Variants in MICU1 observed in about 807,000 individuals in gnomAD.
MICU1 encodes the protein mitochondrial calcium uptake 1, also known as calcium uptake protein 1, mitochondrial.
Under a neutral mutation model 56.8 loss-of-function variants are expected in MICU1, and 45 were observed. The ratio of observed to expected loss-of-function variants is 0.79; its 90% confidence interval spans 0.62 to 1.02. The LOEUF (loss-of-function observed/expected upper bound fraction) is 1.02, where lower values mean the gene tolerates loss of function less well. Ranked by LOEUF, MICU1 falls within the 50% of genes least tolerant of loss-of-function variation. MICU1 has a pLI of 0.00. For missense variants in MICU1, 504 were observed against 587.1 expected (o/e 0.86, Z 1.46); for synonymous variants, 186 against 195.1 (o/e 0.95, Z 0.39).
Position 72,566,681 on chromosome 10 carries a change from A to G in MICU1, c.113T>C (p.Phe38Ser), listed in dbSNP as rs1278985325. 6.2e-7 allele frequency: 1 copy of G among 1,613,136 alleles called. No individual in the cohort carries two copies. Among genetic ancestry groups the G allele is most frequent in the Admixed American group, 1.7e-5 (1 of 59,874 alleles). ...TGCAGTTACTGCAGATGCTCCCAGGAAAGCCACCATCATTAGTCTTCGCCG... is the reference window on the plus strand; with the variant it reads ...TGCAGTTACTGCAGATGCTCCCAGGGAAGCCACCATCATTAGTCTTCGCCG... Reference protein sequence around the residue: ...QIRRRLMMVAFLGASAVTAST... With the variant: ...QIRRRLMMVASLGASAVTAST... The change falls in exon 2 of 12, where the codon TTC becomes TCC. Residue 38 changes from phenylalanine (F) to serine (S), a missense_variant. Coordinates refer to ENST00000361114, the MANE Select transcript of MICU1 (RefSeq NM_001195518.2).
chr10:72,579,938 C>CAAA (rs111515346), intron 1 of MICU1, among the ~76,000 whole-genome samples: 1 of 138,276 alleles, frequency 7.2e-6, no homozygotes, highest in African/African-American at 2.6e-5. Flanking sequence ...ATTCAAAAAT[C>CAAA]AAAAAAAAAA....
intron 6 of MICU1, chr10:72,483,550 T>C (rs537450104): frequency 6.6e-6 from 1 of 152,532 alleles, no homozygotes; most frequent in South Asian, 2.1e-4. Flanking sequence ...CTCAGGACTT[T>C]GTGTAATTCT....
At chr10:72,369,154 T>C (rs902715708) in intron 11 of MICU1, among the ~76,000 whole-genome samples, 13 of 152,046 alleles carry the variant, frequency 8.6e-5, no homozygotes, top group African/African-American at 3.1e-4. Flanking sequence ...GGTGGACACC[T>C]GTAGTCCCAG....
chr10:72,459,173 A>T (rs1170547694), intron 8 of MICU1, among the ~76,000 whole-genome samples: 1 of 152,088 alleles, frequency 6.6e-6, no homozygotes, highest in African/African-American at 2.4e-5. Context: ...TCTACTAAAA[A>T]TATGAAAATT....
chr10:72,449,273 C>G (rs1865219867), intron 8 of MICU1, among the ~76,000 whole-genome samples: 1 of 152,112 alleles, frequency 6.6e-6, no homozygotes, highest in African/African-American at 2.4e-5. Context: ...TGGCAGGTGC[C>G]TGTAATCCCA....
chr10:72,376,480 C>G (rs1048371449), intron 10 of MICU1, among the ~76,000 whole-genome samples: 1 of 151,804 alleles, frequency 6.6e-6, no homozygotes, highest in Non-Finnish European at 1.5e-5. Flanking sequence ...CCTGTCTCTA[C>G]AAAAAATACA....
At position 72,592,969 on chromosome 10, in the gene MICU1, A is replaced by G. The variant is rs1841270893; in HGVS notation, c.-1-26175T>C. Among the ~76,000 whole-genome samples, 2 of 151,948 alleles carry G rather than the reference A, an allele frequency of 1.3e-5. 1 individual carries two copies. The highest frequency in any genetic ancestry group is 4.2e-4 in the South Asian group (2 of 4,812). ...GGCTAATTCCTTTTGTATTTTTAGT[A>G]GAGACGGGGTTTCACCTTGTTGGCC... On this transcript the variant is annotated intron_variant, in intron 1 of 11. Transcript: ENST00000361114.
chr10:72,450,102 G>C (rs1564876447), intron 8 of MICU1, among the ~76,000 whole-genome samples: 1 of 152,076 alleles, frequency 6.6e-6, no homozygotes, highest in Non-Finnish European at 1.5e-5. Context: ...CTCAGGGAGT[G>C]TTTGCAGAGA....
At chr10:72,604,637 A>G (rs1181846717) in intron 1 of MICU1, among the ~76,000 whole-genome samples, 1 of 152,082 alleles carries the variant, frequency 6.6e-6, no homozygotes, top group East Asian at 1.9e-4. Flanking sequence ...TTTTAAAAAG[A>G]ATCTCCCTTT....
At chr10:72,613,506 G>A (rs1042268441) in intron 1 of MICU1, among the ~76,000 whole-genome samples, 1 of 151,550 alleles carries the variant, frequency 6.6e-6, no homozygotes, top group Non-Finnish European at 1.5e-5. Flanking sequence ...CCAACTCCTG[G>A]CCTCAAGCAG....
intron 4 of MICU1, among the ~76,000 whole-genome samples, chr10:72,537,413 A>C (rs991534292): frequency 1.3e-5 from 2 of 152,210 alleles, no homozygotes; most frequent in Non-Finnish European, 2.9e-5. Flanking sequence ...GTAGTTTAAA[A>C]ACAATACTTA....
chr10:72,458,326 A>G (rs1056382801), intron 8 of MICU1, among the ~76,000 whole-genome samples: 2 of 152,216 alleles, frequency 1.3e-5, no homozygotes, highest in Non-Finnish European at 2.9e-5. Context: ...CCAATATCCT[A>G]TATTCAAGGA....
intron 4 of MICU1, among the ~76,000 whole-genome samples, chr10:72,535,016 T>TTTTATTTTA: frequency 1.1e-5 from 1 of 88,100 alleles, no homozygotes; most frequent in South Asian, 2.8e-4. Context: ...TTTTATTTTA[T>TTTTATTTTA]TTTATTTTAT....
chr10:72,625,759 G>C (rs1388795820), intron 1 of MICU1, among the ~76,000 whole-genome samples: 3 of 152,178 alleles, frequency 2.0e-5, no homozygotes, highest in African/African-American at 4.8e-5. Flanking sequence ...CTCCCGGGAC[G>C]GGAGAAGGGA....
intron 1 of MICU1, among the ~76,000 whole-genome samples, chr10:72,591,829 T>C (rs1841232915): frequency 6.6e-6 from 1 of 151,874 alleles, no homozygotes; most frequent in Non-Finnish European, 1.5e-5. Context: ...CCGAGCAACA[T>C]GGCTAAACCC....
intron 1 of MICU1, among the ~76,000 whole-genome samples, chr10:72,591,447 G>GA (rs1841221822): frequency 6.6e-6 from 1 of 151,678 alleles, no homozygotes. Context: ...CTGGTTATTT[G>GA]AAAAAAATAA....
chr10:72,533,992 C>G (rs1184328176), intron 4 of MICU1, among the ~76,000 whole-genome samples: 1 of 151,988 alleles, frequency 6.6e-6, no homozygotes, highest in South Asian at 2.1e-4. Flanking sequence ...TTTTACATAT[C>G]AGAAAAGTAA....
Position 72,425,278 on chromosome 10 carries a change from G to A in MICU1, c.934-1907C>T, listed in dbSNP as rs575671834. Among the ~76,000 whole-genome samples the A allele has an allele frequency of 2.5e-4, 38 of 152,306 alleles. No homozygotes were observed. In the South Asian group the frequency reaches 7.5e-3, roughly 30 times the overall value. ...GGTTTCACAGCTGTGGGGCAATCCC[G>A]TATGTTGGAACTAGATGAATTTTCA... On this transcript the variant is annotated intron_variant, in intron 8 of 11. Transcript: ENST00000361114.
intron 10 of MICU1, among the ~76,000 whole-genome samples, chr10:72,404,943 G>C (rs945621542): frequency 4.6e-5 from 7 of 152,112 alleles, no homozygotes; most frequent in Non-Finnish European, 7.4e-5. Context: ...GTCTTGCTCT[G>C]CTACCCAGTC....
Sources: gnomAD v4.1 joint callset for allele counts (sites outside exome capture counted in the v4.1 genomes callset) on GRCh38, gnomAD v4.1.1 for gene constraint, MANE v1.5 for transcripts, NCBI Gene and HGNC (gene_info 2026-07-23, HGNC 2026-07-21) for gene names.